The following HELZ2 variants were observed in gnomAD, a reference collection of about 807,000 sequenced individuals.
HELZ2 encodes the protein helicase with zinc finger 2, also known as 3'-5' exoribonuclease HELZ2.
Under a neutral mutation model 208.8 loss-of-function variants are expected in HELZ2, and 143 were observed. The observed-to-expected ratio is 0.68, with a 90% CI of 0.60 to 0.79. HELZ2 has a LOEUF of 0.79. Ranked by LOEUF, HELZ2 falls within the 30% of genes least tolerant of loss-of-function variation. The pLI, the probability that HELZ2 is intolerant of heterozygous loss-of-function variation, is 0.00. For synonymous variants in HELZ2, 1,705 were observed against 1,693.7 expected, an observed-to-expected ratio of 1.01 and a Z score of -0.16; for missense variants, 3,690 against 3,794.5, an observed-to-expected ratio of 0.97 and a Z score of 0.72.
rs778319432 is a variant in HELZ2 at position 63,562,411 on chromosome 20, C to T, written c.6303-29G>A. The T allele has an allele frequency of 5.1e-6, 8 of 1,558,266 alleles. No individual in the cohort carries two copies. In the African/African-American group the frequency reaches 6.8e-5, roughly 13 times the overall value. On this transcript the variant is annotated intron_variant, in intron 8 of 18. Transcript: ENST00000467148. Reference sequence around the variant, plus strand: ...GGGGTGAAGGCAGACACTGGAAAACCAACAGGACTCCCAGGAAAGGGGCTG... The same window carrying T: ...GGGGTGAAGGCAGACACTGGAAAACTAACAGGACTCCCAGGAAAGGGGCTG...
exon 6 of HELZ2, chr20:63,567,316 A>G: frequency 1.9e-6 from 3 of 1,609,768 alleles, no homozygotes; most frequent in Non-Finnish European, 2.5e-6. Flanking sequence ...GGCATAGGCC[A>G]GCGGGGTGAG....
chr20:63,570,196 G>T, intron 3 of HELZ2: 1 of 531,066 alleles, frequency 1.9e-6, no homozygotes, highest in Non-Finnish European at 3.7e-6. Flanking sequence ...CCGACCTCAG[G>T]TGATCCACCT....
At chr20:63,570,172 C>G (rs2083003461) in intron 3 of HELZ2, 2 of 477,256 alleles carry the variant, frequency 4.2e-6, no homozygotes, top group Non-Finnish European at 8.3e-6. Context: ...ATTGGCCAGG[C>G]TGATCTCGAA....
At chr20:63,563,341 C>A (rs1443461398) in exon 8 of HELZ2, 1 of 1,539,026 alleles carries the variant, frequency 6.5e-7, no homozygotes, top group Non-Finnish European at 8.7e-7. Context: ...GCTGCTTCCA[C>A]AGGGCCGTCT....
At chr20:63,568,233 A>C (rs994551966) in intron 5 of HELZ2, 125 bp downstream of exon 6, 6 of 777,674 alleles carry the variant, frequency 7.7e-6, no homozygotes, top group Non-Finnish European at 1.1e-5. Flanking sequence ...CCAAAGCCCA[A>C]AGCTGGTCGG....
chr20:63,564,530 A>C (rs1264885304), exon 8 of HELZ2: 1 of 1,578,292 alleles, frequency 6.3e-7, no homozygotes, highest in African/African-American at 1.3e-5. Context: ...CTCCATGGTG[A>C]GGAACAGGGA....
intron 3 of HELZ2, chr20:63,570,146 G>T: frequency 5.4e-6 from 2 of 369,596 alleles, no homozygotes; most frequent in Non-Finnish European, 1.0e-5. Context: ...TTTCAGTAGA[G>T]ACGGAGTTTC....
chr20:63,561,033 CTG>C (rs1397411827), intron 14 of HELZ2, 47 bp downstream of exon 15: 5 of 1,596,566 alleles, frequency 3.1e-6, no homozygotes, highest in East Asian at 2.2e-5. Context: ...AGGTGGGAGA[CTG>C]TGCCAGGGAC....
exon 9 of HELZ2, chr20:63,562,380 C>A (rs370768380): frequency 1.3e-6 from 2 of 1,582,270 alleles, no homozygotes; most frequent in East Asian, 2.3e-5. Flanking sequence ...TTCCTCCTTG[C>A]GGCTGGGGGT....
rs376947089 is a variant in HELZ2 at position 63,564,176 on chromosome 20, A to T, written c.4646T>A (p.Val1549Asp). 6.8e-6 allele frequency: 11 copies of T among 1,611,472 alleles called. No homozygotes were observed. In the African/African-American group the frequency reaches 1.5e-4, roughly 22 times the overall value. Reference sequence around the variant, plus strand: ...TGCTGGCTGCCACCGCAGAGGCGTGACCGTCCGCGTGCACTCGCTGCCCAC... The same window carrying T: ...TGCTGGCTGCCACCGCAGAGGCGTGTCCGTCCGCGTGCACTCGCTGCCCAC... Residue 1549 changes from valine (V) to aspartate (D), a missense_variant, in exon 8 of 19, where the codon GTC becomes GAC. Val to Asp is a radical substitution (Grantham distance 152). This residue lies in a region of HELZ2 where 2,564 missense variants were observed against 2,580.5 expected (regional missense o/e 0.99). Transcript: ENST00000467148.
Position 63,562,209 on chromosome 20 carries a change from A to AG in HELZ2, c.6398-7dup. 1 of 1,599,910 alleles carries AG rather than the reference A, an allele frequency of 6.3e-7. No homozygotes were observed. The highest frequency in any genetic ancestry group is 1.7e-5 in the Admixed American group (1 of 59,228). On this transcript the variant is annotated splice_region_variant and splice_polypyrimidine_tract_variant and intron_variant, in intron 9 of 18. Coordinates refer to ENST00000467148, the Ensembl canonical transcript of HELZ2. The stretch of plus-strand genomic sequence containing the variant: ...CAGGAACCTGCTGGGGATCACTGAG[A>AG]GGGGGCAGCCTCCCTGAGCACTCAT...
At chr20:63,563,577 C>T (rs1176153881) in exon 8 of HELZ2, 1 of 1,528,224 alleles carries the variant, frequency 6.5e-7, no homozygotes, top group East Asian at 2.4e-5. Flanking sequence ...CGGGAGCCCG[C>T]CTCCACGTCC....
chr20:63,563,583 C>G, exon 8 of HELZ2: 1 of 1,529,842 alleles, frequency 6.5e-7, no homozygotes, highest in Non-Finnish European at 8.8e-7. Context: ...CCCGCCTCCA[C>G]GTCCACCACG....
rs543203189 is a variant in HELZ2 at position 63,562,180 on chromosome 20, G to A, written c.6421C>T (p.Arg2141Trp). 1.1e-4 allele frequency: 185 copies of A among 1,612,002 alleles called. No homozygotes were observed. Among genetic ancestry groups the A allele is most frequent in the Non-Finnish European group, 1.4e-4 (168 of 1,179,752 alleles). Reference sequence around the variant, plus strand: ...CCTCCGGGGATGTTGTAGGTCTGCCGCTCCAGGAACCTGCTGGGGATCACT... The same window carrying A: ...CCTCCGGGGATGTTGTAGGTCTGCCACTCCAGGAACCTGCTGGGGATCACT... The change falls in exon 10 of 19, where the codon CGG (arginine) becomes TGG (tryptophan). Residue 2141 changes from arginine (R) to tryptophan (W), a missense_variant. By Grantham distance (101) the Arg-to-Trp change is moderately radical. Transcript: ENST00000467148.
rs554157971 is a variant in HELZ2, at chr20:63,564,920, C to T, written c.3902G>A (p.Gly1301Asp). ...GGGCACCCTCAAGCTGTACTCCAGG[C>T]CGAGGATGCGGAGGCCCTGCTCCCA... The change falls in exon 8 of 19, where the codon GGC (glycine) becomes GAC (aspartate). Residue 1301 changes from glycine (G) to aspartate (D), a missense_variant. This residue lies in a region of HELZ2 where 2,564 missense variants were observed against 2,580.5 expected (regional missense o/e 0.99). Coordinates refer to ENST00000467148, the Ensembl canonical transcript of HELZ2. 1.9e-6 allele frequency: 3 copies of T among 1,611,658 alleles called. No individual in the cohort carries two copies. The Admixed American group carries it at 5.0e-5, about 27-fold the overall frequency.
At chr20:63,563,201 G>A (rs1035127121) in exon 8 of HELZ2, 1 of 1,584,196 alleles carries the variant, frequency 6.3e-7, no homozygotes, top group East Asian at 2.3e-5. Flanking sequence ...CAGCTCCCGG[G>A]CCACCTCCAG....
chr20:63,573,145 T>A (rs1475241388), upstream of HELZ2: 1 of 151,868 alleles, frequency 6.6e-6, no homozygotes, highest in Non-Finnish European at 1.5e-5. The surrounding 1 kb of genome is among the most constrained non-coding windows in gnomAD (Gnocchi z 4.9). Context: ...CCAGCTTGGC[T>A]CTCCAGGGAG....
rs952474729 is a variant in HELZ2, at chr20:63,561,723, C to G, written c.6714G>C (p.Glu2238Asp). 1.2e-5 allele frequency: 19 copies of G among 1,607,110 alleles called. No individual in the cohort carries two copies. Among genetic ancestry groups the G allele is most frequent in the Non-Finnish European group, 1.6e-5 (19 of 1,176,528 alleles). Residue 2238 changes from glutamate (E) to aspartate (D), a missense_variant, in exon 12 of 19, where the codon GAG (glutamate) becomes GAC (aspartate). By Grantham distance (45) the Glu-to-Asp change is conservative. Around this residue, in one of 3 missense-constraint regions of HELZ2, gnomAD observed 2,564 missense variants for 2,580.5 expected, o/e 0.99. Transcript: ENST00000467148. ...CACTGTACACACGGAGGGGCTTCAG[C>G]TCCATCCTTCTCAGGAGCAGTCCTG...
At position 63,565,783 on chromosome 20, in the gene HELZ2, C is replaced by CAGTGACATCCAGT; in HGVS notation, c.3038_3039insACTGGATGTCACT (p.Ala1014LeufsTer46). On this transcript the variant is annotated frameshift_variant, in exon 8 of 19. Coordinates refer to ENST00000467148, the Ensembl canonical transcript of HELZ2. LOFTEE classifies it high-confidence loss of function. ...CAGCCTCCGTCTGCGCTGTGGTTGC[C>CAGTGACATCCAGT]GTGATGTCACGGGATGCTGGGCTCA... The CAGTGACATCCAGT allele has an allele frequency of 6.2e-7, 1 of 1,600,136 alleles. No individual in the cohort carries two copies. Among genetic ancestry groups the CAGTGACATCCAGT allele is most frequent in the Non-Finnish European group, 8.5e-7 (1 of 1,179,770 alleles).
Sources: gnomAD v4.1 joint callset for allele counts on GRCh38, gnomAD v4.1.1 for gene constraint, gnomAD v4.1.1 regional missense constraint, Gnocchi (gnomAD v3.1) non-coding constraint, MANE v1.5 for transcripts, NCBI Gene and HGNC (gene_info 2026-07-23, HGNC 2026-07-21) for gene names.